The following FERMT2 variants were observed in gnomAD, a reference collection of about 807,000 sequenced individuals.
The protein encoded by FERMT2 is fermitin family homolog 2.
Under a neutral mutation model 82.7 loss-of-function variants are expected in FERMT2, and 15 were observed. That is an observed-to-expected ratio of 0.18 (90% CI 0.12 to 0.28). FERMT2 has a LOEUF of 0.28. Among genes scored for constraint, FERMT2 ranks in the 10% least tolerant of loss-of-function variants. The pLI, the probability that FERMT2 is intolerant of heterozygous loss-of-function variation, is 1.00. For synonymous variants in FERMT2, 274 were observed against 271.5 expected, an observed-to-expected ratio of 1.01 and a Z score of -0.09; for missense variants, 645 against 809.4, an observed-to-expected ratio of 0.80 and a Z score of 2.46.
chr14:52,935,440 G>A (rs1034130007), intron 2 of FERMT2, among the ~76,000 whole-genome samples: 1 of 152,162 alleles, frequency 6.6e-6, no homozygotes, highest in Non-Finnish European at 1.5e-5. Context: ...CTGAAGATGG[G>A]GCCTTGGGGA....
At chr14:52,892,943 C>T (rs1312596428) in intron 4 of FERMT2, among the ~76,000 whole-genome samples, 2 of 152,222 alleles carry the variant, frequency 1.3e-5, no homozygotes, top group African/African-American at 2.4e-5. Context: ...ATGATTTGCA[C>T]ATGAGAGAAA....
chr14:52,906,924 A>G (rs888246172), intron 3 of FERMT2, among the ~76,000 whole-genome samples: 5 of 127,196 alleles, frequency 3.9e-5, no homozygotes, highest in Admixed American at 8.6e-5. Flanking sequence ...AAACCAGAAG[A>G]CAACTGAGGG....
chr14:52,895,239 T>C (rs1887191492), intron 3 of FERMT2, among the ~76,000 whole-genome samples: 1 of 152,202 alleles, frequency 6.6e-6, no homozygotes, highest in Non-Finnish European at 1.5e-5. Context: ...GAAGAGGAAC[T>C]TGAACTCTCA....
At chr14:52,863,112 T>G (rs991259654) in intron 12 of FERMT2, 3 of 152,214 alleles carry the variant, frequency 2.0e-5, no homozygotes, top group Non-Finnish European at 4.4e-5. Context: ...CTTTTTAACT[T>G]ACAATCTACA....
chr14:52,906,586 T>C (rs983997999), intron 3 of FERMT2, among the ~76,000 whole-genome samples: 4 of 151,728 alleles, frequency 2.6e-5, no homozygotes, highest in African/African-American at 4.8e-5. Flanking sequence ...ATAAAGAATA[T>C]TGTAATAGCT....
At chr14:52,902,325 G>A (rs1415500041) in intron 3 of FERMT2, among the ~76,000 whole-genome samples, 6 of 151,972 alleles carry the variant, frequency 3.9e-5, no homozygotes, top group Admixed American at 2.0e-4. Flanking sequence ...CCTAGGAGGC[G>A]GAGGTTGCAG....
At chr14:52,866,999 T>C (rs7145440) in intron 10 of FERMT2, among the ~76,000 whole-genome samples, 115,091 of 151,988 alleles carry the variant, frequency 0.76, 46,659 homozygotes, top group Non-Finnish European at 0.89. Flanking sequence ...TTTAATTTCC[T>C]TGAGTCTCTC....
chr14:52,942,381 C>G (rs1219968599), intron 2 of FERMT2, among the ~76,000 whole-genome samples: 1 of 150,698 alleles, frequency 6.6e-6, no homozygotes, highest in African/African-American at 2.4e-5. Context: ...CGGCTCACTG[C>G]AAGCTCCCCC....
intron 2 of FERMT2, among the ~76,000 whole-genome samples, chr14:52,949,371 CTG>C (rs1243448280): frequency 1.4e-5 from 2 of 143,214 alleles, no homozygotes; most frequent in Non-Finnish European, 1.5e-5. Flanking sequence ...AAAACGAATG[CTG>C]TGTTTAAAAA....
chr14:52,928,546 TC>T (rs1889409335), intron 2 of FERMT2: 3 of 152,386 alleles, frequency 2.0e-5, no homozygotes, highest in East Asian at 1.9e-4. Flanking sequence ...GGCTACTTGC[TC>T]ATACCATTTA....
intron 3 of FERMT2, among the ~76,000 whole-genome samples, chr14:52,897,527 C>T (rs1887357557): frequency 6.6e-6 from 1 of 152,094 alleles, no homozygotes; most frequent in South Asian, 2.1e-4. Flanking sequence ...TAAAAATTAA[C>T]ATGGGAGCAA....
chr14:52,927,592 T>TAA (rs71125150), intron 2 of FERMT2, among the ~76,000 whole-genome samples: 7,315 of 33,660 alleles, frequency 0.22, 1,743 homozygotes, highest in South Asian at 0.3. Flanking sequence ...CTCATCCCTA[T>TAA]AAAAAAAAAA....
intron 3 of FERMT2, among the ~76,000 whole-genome samples, chr14:52,912,429 G>T (rs1197555968): frequency 6.6e-6 from 1 of 151,770 alleles, no homozygotes; most frequent in Non-Finnish European, 1.5e-5. Flanking sequence ...ACCCTTAACA[G>T]CTGTTAAGAC....
chr14:52,904,472 G>A (rs370184047), intron 3 of FERMT2, among the ~76,000 whole-genome samples: 2 of 151,946 alleles, frequency 1.3e-5, no homozygotes, highest in African/African-American at 2.4e-5. Flanking sequence ...AGCCAAGGTC[G>A]CGCCATTGCA....
In FERMT2 at chr14:52,858,338, T is replaced by G; in HGVS notation, c.*39A>C. On this transcript the variant is annotated 3_prime_UTR_variant, in exon 15 of 15. Coordinates refer to ENST00000341590, the MANE Select transcript of FERMT2 (RefSeq NM_006832.3). ...AACAAACAGCTTTTAAAGTTAAATA[T>G]TGTTATGGCCGTGGAGTTTCATTAA... is the stretch of plus-strand genomic sequence containing the variant. The G allele has an allele frequency of 6.5e-7, 1 of 1,547,996 alleles. No homozygotes were observed. The highest frequency in any genetic ancestry group is 8.9e-7 in the Non-Finnish European group (1 of 1,122,862).
rs1370109185 is a variant in FERMT2, at chr14:52,858,256, A to AAAGAAGTTTTCATGAT, written c.*105_*120dup. 1.2e-5 allele frequency: 10 copies of AAAGAAGTTTTCATGAT among 847,578 alleles called. No homozygotes were observed. The highest frequency in any genetic ancestry group is 1.9e-5 in the Non-Finnish European group (10 of 533,708). The allele number at this position is 847,578 out of a possible 1,614,324, so 52.5% of individuals were successfully genotyped here. On this transcript the variant is annotated 3_prime_UTR_variant, in exon 15 of 15. Transcript: ENST00000341590. ...CACATATTAACTGGTCTGGTAAGGC[A>AAAGAAGTTTTCATGAT]AAGAAGTTTTCATGATAAAATGATA... is the stretch of plus-strand genomic sequence containing the variant.
At chr14:52,915,476 A>G (rs1443369492) in intron 3 of FERMT2, among the ~76,000 whole-genome samples, 1 of 152,248 alleles carries the variant, frequency 6.6e-6, no homozygotes, top group East Asian at 1.9e-4. Flanking sequence ...GATCCACACA[A>G]CATGGAATTT....
chr14:52,894,379 CCAGT>C (rs1340692732), intron 3 of FERMT2, among the ~76,000 whole-genome samples: 2 of 152,084 alleles, frequency 1.3e-5, no homozygotes, highest in African/African-American at 4.8e-5. Flanking sequence ...TAATGAGATG[CCAGT>C]CAAAATTCCA....
At chr14:52,920,528 G>C (rs1888899650) in intron 2 of FERMT2, among the ~76,000 whole-genome samples, 1 of 152,076 alleles carries the variant, frequency 6.6e-6, no homozygotes, top group African/African-American at 2.4e-5. Flanking sequence ...CAGCTACTCA[G>C]GATGCTGAGG....
Sources: allele counts gnomAD v4.1 joint callset (sites outside exome capture counted in the v4.1 genomes callset), GRCh38; gene constraint gnomAD v4.1.1; transcripts MANE v1.5; gene names NCBI Gene and HGNC (gene_info 2026-07-23, HGNC 2026-07-21).